SLC15A3: variants seen among roughly 807,000 people sequenced by gnomAD.
SLC15A3 encodes solute carrier family 15 member 3, also known as osteoclast transporter.
Under a neutral mutation model 49.2 loss-of-function variants are expected in SLC15A3, and 39 were observed. That is an observed-to-expected ratio of 0.79 (90% CI 0.61 to 1.04). SLC15A3 has a LOEUF of 1.04. SLC15A3 is among the 50% of genes least tolerant of loss of function. SLC15A3 has a pLI of 0.00. For synonymous variants in SLC15A3, 339 were observed against 367.0 expected (o/e 0.92, Z 0.87); for missense variants, 758 against 794.8 (o/e 0.95, Z 0.56).
rs775375129 is a variant in SLC15A3, at chr11:60,937,859, C to T, written c.1591+11G>A. The T allele has an allele frequency of 1.2e-6, 2 of 1,613,400 alleles. No individual in the cohort carries two copies. The highest frequency in any genetic ancestry group is 1.7e-6 in the Non-Finnish European group (2 of 1,179,562). ...ATCCATGTCCCACTCCTGGGGAGGC[C>T]CCATACTCACCAAAGTCCTTGGGGC... is the stretch of plus-strand genomic sequence containing the variant. On this transcript the variant is annotated intron_variant, in intron 7 of 7. Coordinates refer to ENST00000227880, the MANE Select transcript of SLC15A3 (RefSeq NM_016582.3).
rs1254599679 is a variant in SLC15A3 at position 60,937,981 on chromosome 11, C to T, written c.1480G>A (p.Ala494Thr). 3.1e-6 allele frequency: 5 copies of T among 1,614,102 alleles called. No individual in the cohort carries two copies. Among genetic ancestry groups the T allele is most frequent in the Admixed American group, 3.3e-5 (2 of 60,020 alleles). ...AGGCAGAAGAAGATGCCCATGATGGCGCCCTGCATGGAGCGCGGGGCCTCT... is the reference window on the plus strand; with the variant it reads ...AGGCAGAAGAAGATGCCCATGATGGTGCCCTGCATGGAGCGCGGGGCCTCT... ...YSEAPRSMQG[A>T]IMGIFFCLSG... is the part of the protein sequence containing the mutation. The change falls in exon 7 of 8, where the codon GCC becomes ACC. Residue 494 changes from alanine (A) to threonine (T), a missense_variant. By Grantham distance (58) the Ala-to-Thr change is moderately conservative (BLOSUM62 0). Transcript: ENST00000227880.
At chr11:60,945,599 T>C (rs1457001258) in intron 2 of SLC15A3, among the ~76,000 whole-genome samples, 4 of 152,210 alleles carry the variant, frequency 2.6e-5, no homozygotes, top group African/African-American at 7.2e-5. Context: ...TTAGATCCTA[T>C]TGACAGGAGC....
chr11:60,938,312 G>T (rs1856656129), intron 6 of SLC15A3, among the ~76,000 whole-genome samples: 1 of 152,120 alleles, frequency 6.6e-6, no homozygotes. Context: ...TCATTTCAGT[G>T]ACAGCACCAT....
chr11:60,941,550 A>G, intron 4 of SLC15A3: 1 of 436,548 alleles, frequency 2.3e-6, no homozygotes, highest in Non-Finnish European at 4.0e-6. Context: ...AAAAAAAGTC[A>G]TGATTGACTA....
Position 60,951,755 on chromosome 11 carries a change from C to G in SLC15A3, c.-204G>C. 1 of 226,858 alleles carries G rather than the reference C, an allele frequency of 4.4e-6. No homozygotes were observed. Among genetic ancestry groups the G allele is most frequent in the Non-Finnish European group, 8.1e-6 (1 of 123,918 alleles). The allele number at this position is 226,858 out of a possible 1,614,324, so 14.1% of individuals were successfully genotyped here. A position where few individuals can be genotyped will look rare whatever the true frequency, so the allele number is the denominator to read the frequency against. On this transcript the variant is annotated 5_prime_UTR_variant, in exon 1 of 8. Transcript: ENST00000227880. Reference sequence around the variant, plus strand: ...CCTGTCCCTCCGCTCACTACCCGGACTCTACCACCTCCTCCCTAATTCTCA... The same window carrying G: ...CCTGTCCCTCCGCTCACTACCCGGAGTCTACCACCTCCTCCCTAATTCTCA...
chr11:60,946,943 T>C (rs2134936972), intron 1 of SLC15A3, 122 bp from the exon 2 acceptor site: 6 of 1,036,508 alleles, frequency 5.8e-6, no homozygotes, highest in Non-Finnish European at 8.3e-6. Flanking sequence ...TCCGACACTT[T>C]CCCAGTCTCT....
At chr11:60,949,860 C>T (rs1297456820) in intron 1 of SLC15A3, among the ~76,000 whole-genome samples, 2 of 152,250 alleles carry the variant, frequency 1.3e-5, no homozygotes, top group East Asian at 1.9e-4. Context: ...CCTCGTCTTT[C>T]CACATGGCTG....
At chr11:60,942,281 C>T in intron 3 of SLC15A3, 136 bp from the exon 4 acceptor site, 1 of 671,966 alleles carries the variant, frequency 1.5e-6, no homozygotes, top group South Asian at 1.7e-5. Flanking sequence ...GAGATAGTCA[C>T]CTTCCCACCC....
At position 60,937,366 on chromosome 11, in the gene SLC15A3, G is replaced by C. The variant is rs146262615; in HGVS notation, c.1599C>G (p.Ile533Met). ...AGTAGAGGTCCATCCGGCAATTGTT[G>C]ATGTTCCCTGGGGAAAGGAGGGGTT... Reference protein sequence around the residue: ...WLHCPKDFGNINNCRMDLYFF... With the variant: ...WLHCPKDFGNMNNCRMDLYFF... The change falls in exon 8 of 8, where the codon ATC (isoleucine) becomes ATG (methionine). Residue 533 changes from isoleucine (I) to methionine (M), a missense_variant. Ile to Met is a conservative substitution (Grantham distance 10). This residue lies in a region of SLC15A3 where 699 missense variants were observed against 706.7 expected (regional missense o/e 0.99). Coordinates refer to ENST00000227880, the MANE Select transcript of SLC15A3 (RefSeq NM_016582.3). 6.9e-5 allele frequency: 112 copies of C among 1,613,990 alleles called. No individual in the cohort carries two copies. Among genetic ancestry groups the C allele is most frequent in the Non-Finnish European group, 8.4e-5 (99 of 1,180,010 alleles).
intron 1 of SLC15A3, 35 bp from the exon 2 acceptor site, chr11:60,946,856 A>G: frequency 6.3e-7 from 1 of 1,583,954 alleles, no homozygotes. Flanking sequence ...TGAGGGCCAA[A>G]GGGGTCCGGG....
intron 1 of SLC15A3, among the ~76,000 whole-genome samples, chr11:60,947,521 A>T (rs189992899): frequency 6.6e-6 from 1 of 152,288 alleles, no homozygotes; most frequent in East Asian, 1.9e-4. Flanking sequence ...ATAAGATCTC[A>T]GTTTTATTGC....
chr11:60,948,546 C>T (rs773171655), intron 1 of SLC15A3, among the ~76,000 whole-genome samples: 9 of 151,744 alleles, frequency 5.9e-5, no homozygotes, highest in Middle Eastern at 6.8e-3. Context: ...GACTGCCCCC[C>T]TGAATTCTGC....
rs1554986472 is a variant in SLC15A3, at chr11:60,949,548, G to GAAAGAA, written c.558+1440_558+1445dup. 5.2e-4 allele frequency among the ~76,000 whole-genome samples: 41 copies of GAAAGAA among 78,480 alleles called. 1 individual carries two copies. The highest frequency in any genetic ancestry group is 6.3e-3 in the Middle Eastern group (1 of 158). 51.5% of individuals were successfully genotyped at this position (78,480 alleles called of 152,430 possible). A position where few individuals can be genotyped will look rare whatever the true frequency, so the allele number is the denominator to read the frequency against. ...AGAAAGAAAGAAAGAAAGAAAGAAAGAAAGAAAGAAAGAAAGAAAGAAAAG... is the reference window on the plus strand; with the variant it reads ...AGAAAGAAAGAAAGAAAGAAAGAAAGAAAGAAAAAGAAAGAAAGAAAGAAAGAAAAG... On this transcript the variant is annotated intron_variant, in intron 1 of 7. Coordinates refer to ENST00000227880, the MANE Select transcript of SLC15A3 (RefSeq NM_016582.3).
intron 5 of SLC15A3, 52 bp from the exon 6 acceptor site, chr11:60,939,690 G>A: frequency 6.3e-7 from 1 of 1,593,834 alleles, no homozygotes; most frequent in South Asian, 1.1e-5. Context: ...AGGCAGCTTA[G>A]CCCACAGAAG....
intron 2 of SLC15A3, among the ~76,000 whole-genome samples, chr11:60,945,523 C>T (rs1192481902): frequency 6.6e-6 from 1 of 152,204 alleles, no homozygotes; most frequent in African/African-American, 2.4e-5. Context: ...CTTCTCGGCT[C>T]CTGACAACTT....
In SLC15A3 at chr11:60,942,107, G is replaced by A. The variant is rs749217674; in HGVS notation, c.1035C>T (p.His345=). The A allele has an allele frequency of 1.2e-6, 2 of 1,614,126 alleles. No individual in the cohort carries two copies. The highest frequency in any genetic ancestry group is 4.5e-5 in the East Asian group (2 of 44,888). Residue 345 remains histidine (H), a synonymous_variant, in exon 4 of 8, where the codon CAC becomes CAT. Transcript: ENST00000227880. ...STYVLQGLHL[H]IPNIFPANPA... is the part of the protein sequence containing the mutation. ...GGTTGGCTGGGAAAATGTTTGGGAT[G>A]TGGAGGTGAAGACCCTGCAGGACAT...
chr11:60,940,006 G>C lies in SLC15A3; in HGVS notation c.1277-368C>G, dbSNP rs575899019. The C allele has an allele frequency of 2.3e-5, 5 of 218,930 alleles. No individual in the cohort carries two copies. The Admixed American group carries it at 2.6e-4, about 11-fold the overall frequency. 13.6% of individuals were successfully genotyped at this position (218,930 alleles called of 1,614,324 possible). A position where few individuals can be genotyped will look rare whatever the true frequency, so the allele number is the denominator to read the frequency against. ...TAAGCAACTAGCCCACAGTCACACAGCTGATAAGTAGTCAGGGCTGGATTT... is the reference window on the plus strand; with the variant it reads ...TAAGCAACTAGCCCACAGTCACACACCTGATAAGTAGTCAGGGCTGGATTT... On this transcript the variant is annotated intron_variant, in intron 5 of 7. Coordinates refer to ENST00000227880, the MANE Select transcript of SLC15A3 (RefSeq NM_016582.3).
chr11:60,938,094 T>C (rs2134920901), intron 6 of SLC15A3, 69 bp from the exon 7 acceptor site: 1 of 1,530,244 alleles, frequency 6.5e-7, no homozygotes, highest in Non-Finnish European at 8.8e-7. Flanking sequence ...AGGCCCCTGC[T>C]TGCTGCCCCT....
chr11:60,950,894 G>T, intron 1 of SLC15A3, 100 bp downstream of exon 1: 1 of 1,229,280 alleles, frequency 8.1e-7, no homozygotes, highest in Non-Finnish European at 1.1e-6. Flanking sequence ...GGAAACTAGT[G>T]CAGGCAGGGG....
Sources: allele counts gnomAD v4.1 joint callset (sites outside exome capture counted in the v4.1 genomes callset), GRCh38; gene constraint gnomAD v4.1.1; regional missense constraint gnomAD v4.1.1; transcripts MANE v1.5; gene names NCBI Gene and HGNC (gene_info 2026-07-23, HGNC 2026-07-21).